TTC29: variants seen among roughly 807,000 people sequenced by gnomAD.
The protein encoded by TTC29 is tetratricopeptide repeat protein 29.
A neutral mutation model predicts 58.1 loss-of-function variants in TTC29; 49 were observed. That is an observed-to-expected ratio of 0.84 (90% CI 0.67 to 1.07). The LOEUF (loss-of-function observed/expected upper bound fraction) is 1.07, where lower values mean the gene tolerates loss of function less well. Among genes scored for constraint, TTC29 ranks in the 50% least tolerant of loss-of-function variants. TTC29 has a pLI of 0.00. For missense variants in TTC29, 582 were observed against 555.6 expected, an observed-to-expected ratio of 1.05 and a Z score of -0.48; for synonymous variants, 209 against 196.8, an observed-to-expected ratio of 1.06 and a Z score of -0.52.
intron 11 of TTC29, among the ~76,000 whole-genome samples, chr4:146,731,733 G>A (rs2150021827): frequency 6.6e-6 from 1 of 152,264 alleles, no homozygotes; most frequent in Non-Finnish European, 1.5e-5. Flanking sequence ...GAGGATTAGA[G>A]ATTATCAACA....
intron 11 of TTC29, among the ~76,000 whole-genome samples, chr4:146,777,698 C>T (rs116586092): frequency 2.0e-5 from 3 of 151,978 alleles, no homozygotes; most frequent in South Asian, 4.2e-4. Context: ...AATTTCATGC[C>T]GACTCTGGCA....
chr4:146,722,496 T>C (rs1743444865), intron 11 of TTC29, among the ~76,000 whole-genome samples: 1 of 152,030 alleles, frequency 6.6e-6, no homozygotes, highest in Admixed American at 6.6e-5. Context: ...TGGAACAGAA[T>C]GGAGAACCTG....
intron 10 of TTC29, among the ~76,000 whole-genome samples, chr4:146,807,603 T>G (rs1342907150): frequency 6.6e-6 from 1 of 152,082 alleles, no homozygotes; most frequent in African/African-American, 2.4e-5. Context: ...CAGAGAATAC[T>G]ATAAATACCT....
At position 146,823,633 on chromosome 4, in the gene TTC29, T is replaced by G. The variant is rs531129666; in HGVS notation, c.978-3385A>C. On this transcript the variant is annotated intron_variant, in intron 9 of 12. Coordinates refer to ENST00000325106, the MANE Select transcript of TTC29 (RefSeq NM_031956.4). The stretch of plus-strand genomic sequence containing the variant: ...TTTAAAATAGTTTTCTCTAATTCTG[T>G]GAAGAATGTCAATGGTAGTTTGATG... 3.9e-5 allele frequency among the ~76,000 whole-genome samples: 6 copies of G among 152,324 alleles called. No homozygotes were observed. The East Asian group carries it at 1.2e-3, about 29-fold the overall frequency.
intron 11 of TTC29, among the ~76,000 whole-genome samples, chr4:146,784,676 C>A (rs1286793864): frequency 6.6e-6 from 1 of 152,190 alleles, no homozygotes; most frequent in Non-Finnish European, 1.5e-5. Flanking sequence ...CTGCCTCAAT[C>A]TTGGACTTGC....
intron 11 of TTC29, among the ~76,000 whole-genome samples, chr4:146,774,182 C>T (rs1579641290): frequency 6.6e-6 from 1 of 152,088 alleles, no homozygotes; most frequent in Non-Finnish European, 1.5e-5. Flanking sequence ...AAACCAACTC[C>T]TGGATTCATT....
intron 11 of TTC29, among the ~76,000 whole-genome samples, chr4:146,785,983 G>GTA (rs1748981947): frequency 2.2e-5 from 3 of 135,950 alleles, no homozygotes; most frequent in Admixed American, 1.6e-4. Context: ...GTATATATGT[G>GTA]TACACACACA....
At chr4:146,780,959 T>G (rs1048386126) in intron 11 of TTC29, among the ~76,000 whole-genome samples, 5 of 152,012 alleles carry the variant, frequency 3.3e-5, no homozygotes, top group African/African-American at 4.8e-5. Context: ...AACTTGAAGA[T>G]TAAAATGGTT....
At chr4:146,849,161 G>A (rs1307177816) in intron 8 of TTC29, among the ~76,000 whole-genome samples, 1 of 152,052 alleles carries the variant, frequency 6.6e-6, no homozygotes, top group Admixed American at 6.6e-5. Flanking sequence ...CATTTATAGA[G>A]CAAAACTACA....
At chr4:146,814,179 G>A (rs1393755620) in intron 10 of TTC29, among the ~76,000 whole-genome samples, 5 of 152,044 alleles carry the variant, frequency 3.3e-5, no homozygotes, top group Middle Eastern at 3.2e-3. Flanking sequence ...TATAGTTTCC[G>A]CTCTCATTAA....
chr4:146,938,886 T>A (rs1011135142), intron 3 of TTC29, among the ~76,000 whole-genome samples: 1 of 152,196 alleles, frequency 6.6e-6, no homozygotes, highest in Non-Finnish European at 1.5e-5. Context: ...TTACTAAAAG[T>A]CAATAGAATT....
intron 7 of TTC29, among the ~76,000 whole-genome samples, chr4:146,872,595 C>T (rs1018952794): frequency 2.6e-5 from 4 of 151,216 alleles, no homozygotes; most frequent in African/African-American, 9.7e-5. Context: ...AAACGTCTGC[C>T]GAGAAGATAT....
At chr4:146,717,208 A>T (rs1442776757) in intron 11 of TTC29, among the ~76,000 whole-genome samples, 2 of 152,058 alleles carry the variant, frequency 1.3e-5, no homozygotes, top group Non-Finnish European at 2.9e-5. Context: ...GTAAATATAA[A>T]TTTTTTCCCA....
chr4:146,806,137 C>T (rs2150122550), intron 10 of TTC29, among the ~76,000 whole-genome samples: 1 of 152,280 alleles, frequency 6.6e-6, no homozygotes, highest in South Asian at 2.1e-4. Flanking sequence ...CCAAACTAAG[C>T]TTCATAAGCT....
intron 10 of TTC29, among the ~76,000 whole-genome samples, chr4:146,818,648 A>G (rs1277071982): frequency 1.3e-5 from 2 of 152,198 alleles, no homozygotes; most frequent in Non-Finnish European, 2.9e-5. Context: ...TGTTTATTGC[A>G]GCAGTATTCA....
chr4:146,905,653 T>C (rs1733474659), intron 5 of TTC29, among the ~76,000 whole-genome samples: 1 of 152,150 alleles, frequency 6.6e-6, no homozygotes, highest in Non-Finnish European at 1.5e-5. Context: ...CTTCCTTGAA[T>C]TGACAGCAGG....
intron 8 of TTC29, among the ~76,000 whole-genome samples, chr4:146,837,759 A>G (rs1728605470): frequency 6.6e-6 from 1 of 152,018 alleles, no homozygotes; most frequent in African/African-American, 2.4e-5. Flanking sequence ...GATGGTTAAA[A>G]TCTAGCATCG....
chr4:146,893,013 G>T (rs1205375518), intron 6 of TTC29, among the ~76,000 whole-genome samples: 1 of 152,088 alleles, frequency 6.6e-6, no homozygotes, highest in South Asian at 2.1e-4. Context: ...ACAAACCACT[G>T]CTCAATGAAA....
chr4:146,770,096 T>C (rs1027618837), intron 11 of TTC29, among the ~76,000 whole-genome samples: 3 of 151,996 alleles, frequency 2.0e-5, no homozygotes, highest in Admixed American at 6.6e-5. Context: ...TAGTTGTTCC[T>C]TAGGCTCACT....
Sources: gnomAD v4.1 joint callset for allele counts (sites outside exome capture counted in the v4.1 genomes callset) on GRCh38, gnomAD v4.1.1 for gene constraint, MANE v1.5 for transcripts, NCBI Gene and HGNC (gene_info 2026-07-23, HGNC 2026-07-21) for gene names.